CACNA2D1: variants seen among roughly 807,000 people sequenced by gnomAD.
CACNA2D1 encodes voltage-dependent calcium channel subunit alpha-2/delta-1.
Under a neutral mutation model 171.5 loss-of-function variants are expected in CACNA2D1, and 53 were observed. The observed-to-expected ratio is 0.31, with a 90% CI of 0.25 to 0.39. CACNA2D1 has a LOEUF of 0.39. Among genes scored for constraint, CACNA2D1 ranks in the 10% least tolerant of loss-of-function variants. CACNA2D1 has a pLI of 1.00. For missense variants in CACNA2D1, 903 were observed against 1,299.8 expected (o/e 0.69, Z 4.69); for synonymous variants, 442 against 443.1 (o/e 1.00, Z 0.03).
At chr7:81,973,203 C>T (rs1795473463) in intron 25 of CACNA2D1, among the ~76,000 whole-genome samples, 1 of 152,010 alleles carries the variant, frequency 6.6e-6, no homozygotes, top group African/African-American at 2.4e-5. Flanking sequence ...AATCTTATTA[C>T]AGTTCTCTCT....
intron 6 of CACNA2D1, among the ~76,000 whole-genome samples, chr7:82,102,500 G>A (rs1030603266): frequency 3.3e-5 from 5 of 150,922 alleles, no homozygotes; most frequent in Admixed American, 6.6e-5. Context: ...ACACACACAC[G>A]CACACACACA....
intron 12 of CACNA2D1, among the ~76,000 whole-genome samples, chr7:82,015,971 G>T (rs1347131110): frequency 6.6e-6 from 1 of 152,150 alleles, no homozygotes; most frequent in African/African-American, 2.4e-5. Context: ...TACGTAAGAG[G>T]CCACATGGTG....
chr7:81,956,432 A>AT (rs1427362320), intron 38 of CACNA2D1, among the ~76,000 whole-genome samples: 1 of 152,182 alleles, frequency 6.6e-6, no homozygotes, highest in African/African-American at 2.4e-5. Flanking sequence ...AATAAGGACA[A>AT]TTATAGAAAT....
intron 2 of CACNA2D1, among the ~76,000 whole-genome samples, chr7:82,346,966 T>C (rs911592987): frequency 6.6e-6 from 1 of 152,174 alleles, no homozygotes; most frequent in African/African-American, 2.4e-5. Flanking sequence ...ATTTTAACCT[T>C]CTCTCAATTA....
intron 3 of CACNA2D1, among the ~76,000 whole-genome samples, chr7:82,302,149 T>A (rs1206843376): frequency 6.6e-6 from 1 of 152,204 alleles, no homozygotes; most frequent in East Asian, 1.9e-4. Context: ...AATAACAAAA[T>A]CTACATATAA....
At chr7:82,105,893 C>A (rs1410693619) in intron 6 of CACNA2D1, among the ~76,000 whole-genome samples, 5 of 152,126 alleles carry the variant, frequency 3.3e-5, no homozygotes, top group African/African-American at 1.2e-4. Context: ...AAAAACAGAG[C>A]CACCTTTTTA....
chr7:82,350,435 G>T (rs1819722700), intron 1 of CACNA2D1, among the ~76,000 whole-genome samples: 1 of 152,128 alleles, frequency 6.6e-6, no homozygotes, highest in South Asian at 2.1e-4. Context: ...GGAGGCCGAG[G>T]CAGGTGGATC....
At chr7:82,366,548 A>G (rs573121594) in intron 1 of CACNA2D1, among the ~76,000 whole-genome samples, 18 of 151,938 alleles carry the variant, frequency 1.2e-4, no homozygotes, top group African/African-American at 4.1e-4. Context: ...GCTGCAAAAG[A>G]CAATTATGTG....
intron 32 of CACNA2D1, among the ~76,000 whole-genome samples, chr7:81,964,725 C>T (rs773891990): frequency 2.0e-5 from 3 of 151,776 alleles, no homozygotes; most frequent in Admixed American, 1.3e-4. Context: ...CCTAGAGATT[C>T]AACATACAAC....
chr7:82,425,009 CCTT>C (rs1829048986), intron 1 of CACNA2D1, among the ~76,000 whole-genome samples: 1 of 152,260 alleles, frequency 6.6e-6, no homozygotes, highest in South Asian at 2.1e-4. Flanking sequence ...AACCCATTCT[CCTT>C]GAGTGTGAGT....
chr7:82,244,360 G>A (rs1454060732), intron 3 of CACNA2D1, among the ~76,000 whole-genome samples: 2 of 152,014 alleles, frequency 1.3e-5, no homozygotes, highest in Non-Finnish European at 2.9e-5. Context: ...AAGACAAAAC[G>A]AAGGAAGTGA....
chr7:82,320,578 A>AT (rs1187859762), intron 3 of CACNA2D1, among the ~76,000 whole-genome samples: 2,555 of 128,708 alleles, frequency 0.02, 43 homozygotes, highest in East Asian at 0.075. Flanking sequence ...CACTTGGCTA[A>AT]TTTTTTTTTT....
At chr7:82,321,897 C>T (rs566959957) in intron 3 of CACNA2D1, among the ~76,000 whole-genome samples, 7 of 150,728 alleles carry the variant, frequency 4.6e-5, no homozygotes, top group Non-Finnish European at 8.9e-5. Context: ...GAGGCCGAGG[C>T]GGGCGGATCA....
At chr7:82,228,509 A>G (rs1802584031) in intron 3 of CACNA2D1, among the ~76,000 whole-genome samples, 1 of 148,670 alleles carries the variant, frequency 6.7e-6, no homozygotes, top group African/African-American at 2.4e-5. Flanking sequence ...TTTTGTTAAC[A>G]ATTAGTTACA....
intron 4 of CACNA2D1, among the ~76,000 whole-genome samples, chr7:82,147,955 C>G (rs1793337279): frequency 6.6e-6 from 1 of 152,102 alleles, no homozygotes; most frequent in South Asian, 2.1e-4. Context: ...CACATATATA[C>G]AGTACTCCTT....
At chr7:82,378,841 C>G (rs192872964) in intron 1 of CACNA2D1, among the ~76,000 whole-genome samples, 117 of 152,112 alleles carry the variant, frequency 7.7e-4, no homozygotes, top group African/African-American at 2.6e-3. Context: ...GTCAGGATGG[C>G]AATTTCATAT....
chr7:81,997,085 C>G (rs1403267169), intron 19 of CACNA2D1, 94 bp downstream of exon 19: 1 of 799,130 alleles, frequency 1.3e-6, no homozygotes, highest in Non-Finnish European at 2.3e-6. Context: ...AACAGACAAG[C>G]TAACACATTG....
At chr7:82,234,812 C>T (rs1048487004) in intron 3 of CACNA2D1, among the ~76,000 whole-genome samples, 5 of 152,160 alleles carry the variant, frequency 3.3e-5, no homozygotes, top group Non-Finnish European at 7.4e-5. Context: ...TTTCCCCATA[C>T]ATGTTACACA....
In CACNA2D1 at chr7:82,013,379, T is replaced by A. The variant is rs927102874; in HGVS notation, c.1272+82A>T. On this transcript the variant is annotated intron_variant, in intron 14 of 38. Coordinates refer to ENST00000356860, the MANE Select transcript of CACNA2D1 (RefSeq NM_000722.4). ...ATAGATCTTTTCATTCTTGCTAATT[T>A]TCTCCATATTGAGCATATTTAAACC... 19 of 505,082 alleles carry A rather than the reference T, an allele frequency of 3.8e-5. No homozygotes were observed. In the South Asian group the frequency reaches 4.2e-4, roughly 11 times the overall value. The allele number at this position is 505,082 out of a possible 1,614,324, so 31.3% of individuals were successfully genotyped here. A position where few individuals can be genotyped will look rare whatever the true frequency, so the allele number is the denominator to read the frequency against.
Sources: gnomAD v4.1 joint callset for allele counts (sites outside exome capture counted in the v4.1 genomes callset) on GRCh38, gnomAD v4.1.1 for gene constraint, MANE v1.5 for transcripts, NCBI Gene and HGNC (gene_info 2026-07-23, HGNC 2026-07-21) for gene names.